CC2D2B: variants seen among roughly 807,000 people sequenced by gnomAD.
CC2D2B encodes the protein protein CC2D2B.
Under a neutral mutation model 161.2 loss-of-function variants are expected in CC2D2B, and 128 were observed. That is an observed-to-expected ratio of 0.79 (90% CI 0.69 to 0.92). CC2D2B has a LOEUF of 0.92. Ranked by LOEUF, CC2D2B falls within the 40% of genes least tolerant of loss-of-function variation. CC2D2B has a pLI of 0.00. For missense variants in CC2D2B, 1,173 were observed against 1,375.1 expected (o/e 0.85, Z 2.32); for synonymous variants, 391 against 449.8 (o/e 0.87, Z 1.65).
At position 96,026,605 on chromosome 10, in the gene CC2D2B, T is replaced by C. The variant is rs542135998; in HGVS notation, c.3948-607T>C. ...CAACCCAGTAATCGGATGGTAGGTG[T>C]TGTCAAATCACACCCAGTAGGCAGC... On this transcript the variant is annotated intron_variant, in intron 33 of 34. Transcript: ENST00000646931. Among the ~76,000 whole-genome samples, 10 of 152,192 alleles carry C rather than the reference T, an allele frequency of 6.6e-5. No homozygotes were observed. The South Asian group carries it at 2.1e-3, about 32-fold the overall frequency.
chr10:95,973,678 G>A (rs373847213), intron 16 of CC2D2B, among the ~76,000 whole-genome samples: 12 of 151,886 alleles, frequency 7.9e-5, no homozygotes, highest in African/African-American at 1.7e-4. Flanking sequence ...GGCCAACATG[G>A]TAAAACCCCA....
intron 24 of CC2D2B, chr10:96,000,039 G>C: frequency 6.9e-7 from 1 of 1,442,352 alleles, no homozygotes; most frequent in South Asian, 1.2e-5. Context: ...CCAACAGCAT[G>C]TTGGGTAACA....
At chr10:95,926,168 G>A (rs552609219) in intron 5 of CC2D2B, among the ~76,000 whole-genome samples, 3 of 152,166 alleles carry the variant, frequency 2.0e-5, no homozygotes, top group African/African-American at 7.2e-5. Flanking sequence ...TGCCTAAATT[G>A]GATTTAATTT....
rs1016765494 is a variant in CC2D2B at position 95,992,548 on chromosome 10, T to C, written c.2493T>C (p.Cys831=). ...TTAGCCAATTGACAGATGCAGTTTG[T>C]AAGTTTGTTGAACCACGGAGAAAGT... ...VSTSQLTDAV[C]KFVEPRRKLK... Residue 831 remains cysteine, a synonymous_variant, in exon 22 of 35, where the codon TGT becomes TGC. Transcript: ENST00000646931. 31 of 1,234,130 alleles carry C rather than the reference T, an allele frequency of 2.5e-5. No individual in the cohort carries two copies. The highest frequency in any genetic ancestry group is 2.9e-5 in the Non-Finnish European group (29 of 988,084). The allele number at this position is 1,234,130 out of a possible 1,614,324, so 76.4% of individuals were successfully genotyped here.
At chr10:95,957,867 T>TA (rs563090307) in intron 11 of CC2D2B, among the ~76,000 whole-genome samples, 2,906 of 141,902 alleles carry the variant, frequency 0.02, 94 homozygotes, top group African/African-American at 0.067. Context: ...GGCCATGATT[T>TA]AAAAAAAAAA....
intron 21 of CC2D2B, among the ~76,000 whole-genome samples, chr10:95,992,220 T>C (rs1401401446): frequency 6.6e-6 from 1 of 152,230 alleles, no homozygotes; most frequent in African/African-American, 2.4e-5. Flanking sequence ...TCCTGAACAA[T>C]GAATAATCTT....
intron 22 of CC2D2B, among the ~76,000 whole-genome samples, chr10:95,993,937 T>C: frequency 9.4e-5 from 1 of 10,688 alleles, no homozygotes; most frequent in African/African-American, 5.5e-4. Context: ...TGTGTGTGTG[T>C]GTGTGTATGT....
rs543132189 is a variant in CC2D2B at position 95,950,024 on chromosome 10, A to G, written c.930A>G (p.Val310=). The G allele has an allele frequency of 6.8e-5, 27 of 398,800 alleles. No individual in the cohort carries two copies. The highest frequency in any genetic ancestry group is 5.3e-4 in the African/African-American group (26 of 48,740). 24.7% of individuals were successfully genotyped at this position (398,800 alleles called of 1,614,324 possible). The change falls in exon 10 of 35, where the codon GTA becomes GTG. Residue 310 remains valine, a synonymous_variant. Coordinates refer to ENST00000646931, the MANE Select transcript of CC2D2B (RefSeq NM_001349008.3). ...ATCATCTCTTCAATCAAGAGCAAGT[A>G]TTATGCGCAAGGCTTCTCCAACTTT... ...SHHHLFNQEQ[V]LCARLLQLYE... is the part of the protein sequence containing the mutation.
intron 2 of CC2D2B, chr10:95,921,204 C>G (rs4391761): frequency 0.3 from 45,445 of 152,212 alleles, 7,410 homozygotes; most frequent in Admixed American, 0.41. Context: ...CTGGGATGGA[C>G]AGTTCCCGTC....
In CC2D2B at chr10:95,938,787, T is replaced by C. The variant is rs1252047511; in HGVS notation, c.673-10T>C. On this transcript the variant is annotated splice_polypyrimidine_tract_variant and intron_variant, in intron 8 of 34. Coordinates refer to ENST00000646931, the MANE Select transcript of CC2D2B (RefSeq NM_001349008.3). ...AATATTTAATTACTATACTTAAATA[T>C]TTTTGATAGGGAAAATGTTGGTTTG... 1.4e-6 allele frequency: 1 copy of C among 706,006 alleles called. No homozygotes were observed. The allele number at this position is 706,006 out of a possible 1,614,324, so 43.7% of individuals were successfully genotyped here. A position where few individuals can be genotyped will look rare whatever the true frequency, so the allele number is the denominator to read the frequency against.
intron 32 of CC2D2B, chr10:96,020,123 A>G (rs1489372055): frequency 1.7e-5 from 4 of 234,054 alleles, no homozygotes; most frequent in Non-Finnish European, 3.3e-5. Context: ...GTAAGTTCTA[A>G]CTCTGACCTA....
chr10:95,935,122 C>T (rs1408629670), intron 6 of CC2D2B, among the ~76,000 whole-genome samples: 1 of 152,178 alleles, frequency 6.6e-6, no homozygotes, highest in Non-Finnish European at 1.5e-5. Context: ...CTGCCCACCT[C>T]GGCCTTCCAA....
At chr10:96,026,064 A>G (rs530671668) in intron 33 of CC2D2B, among the ~76,000 whole-genome samples, 1 of 152,330 alleles carries the variant, frequency 6.6e-6, no homozygotes, top group Non-Finnish European at 1.5e-5. Flanking sequence ...CAATATCTGG[A>G]GGTGAAACAT....
chr10:96,031,685 T>C, intron 34 of CC2D2B, 135 bp from the exon 35 acceptor site: 1 of 750,704 alleles, frequency 1.3e-6, no homozygotes, highest in South Asian at 1.7e-5. Flanking sequence ...AGAACATAAT[T>C]TGGCACCCAC....
At chr10:95,943,144 G>A (rs1468675591) in intron 9 of CC2D2B, among the ~76,000 whole-genome samples, 1 of 152,056 alleles carries the variant, frequency 6.6e-6, no homozygotes, top group East Asian at 1.9e-4. Context: ...AGCTCCTTCG[G>A]TCCTTAACCT....
At chr10:96,015,694 G>A (rs1367382255) in intron 29 of CC2D2B, among the ~76,000 whole-genome samples, 1 of 152,058 alleles carries the variant, frequency 6.6e-6, no homozygotes, top group African/African-American at 2.4e-5. Context: ...TCAGCTCTTT[G>A]AGTTGAAGAC....
intron 16 of CC2D2B, 147 bp from the exon 17 acceptor site, chr10:95,973,861 CA>C (rs576579109): frequency 0.14 from 31,704 of 232,002 alleles, 1 homozygote; most frequent in East Asian, 0.2. Context: ...AACTCTGTCT[CA>C]AAAAAAAAAA....
At chr10:95,981,289 G>A (rs1370255032) in intron 17 of CC2D2B, among the ~76,000 whole-genome samples, 1 of 151,876 alleles carries the variant, frequency 6.6e-6, no homozygotes, top group Non-Finnish European at 1.5e-5. Flanking sequence ...CTACTCGGGA[G>A]GCTGAGGCAT....
intron 10 of CC2D2B, among the ~76,000 whole-genome samples, chr10:95,953,014 A>G (rs2076454698): frequency 6.6e-6 from 1 of 152,124 alleles, no homozygotes; most frequent in African/African-American, 2.4e-5. Flanking sequence ...GACAGAGCCC[A>G]CTTCCCAGAG....
Sources: allele counts gnomAD v4.1 joint callset (sites outside exome capture counted in the v4.1 genomes callset), GRCh38; gene constraint gnomAD v4.1.1; transcripts MANE v1.5; gene names NCBI Gene and HGNC (gene_info 2026-07-23, HGNC 2026-07-21).